The following SOX6 variants were observed in gnomAD, a reference collection of about 807,000 sequenced individuals.
The protein encoded by SOX6 is transcription factor SOX-6.
Under a neutral mutation model 97.8 loss-of-function variants are expected in SOX6, and 11 were observed. That is an observed-to-expected ratio of 0.11 (90% CI 0.07 to 0.19). SOX6 has a LOEUF of 0.19. Ranked by LOEUF, SOX6 falls within the 10% of genes least tolerant of loss-of-function variation. SOX6 has a pLI of 1.00. For missense variants in SOX6, 810 were observed against 1,039.5 expected, an observed-to-expected ratio of 0.78 and a Z score of 3.04; for synonymous variants, 360 against 371.4, an observed-to-expected ratio of 0.97 and a Z score of 0.35.
intron 2 of SOX6, among the ~76,000 whole-genome samples, chr11:16,726,294 A>G (rs1590066178): frequency 6.6e-6 from 1 of 152,352 alleles, no homozygotes; most frequent in Non-Finnish European, 1.5e-5. Context: ...CTGTAATCCC[A>G]GCTACCCAGC....
intron 1 of SOX6, among the ~76,000 whole-genome samples, chr11:16,443,316 T>C (rs1590205670): frequency 6.6e-6 from 1 of 152,210 alleles, no homozygotes; most frequent in Non-Finnish European, 1.5e-5. Flanking sequence ...CTAACTTTAG[T>C]ATGCTATTCA....
chr11:16,640,179 T>A (rs1409772862), intron 3 of SOX6, among the ~76,000 whole-genome samples: 1 of 152,216 alleles, frequency 6.6e-6, no homozygotes, highest in African/African-American at 2.4e-5. Context: ...ATGTGGTTTT[T>A]GTCTTTGGTT....
chr11:16,414,225 C>T (rs187449932), intron 1 of SOX6, among the ~76,000 whole-genome samples: 5 of 152,234 alleles, frequency 3.3e-5, no homozygotes, highest in East Asian at 1.9e-4. Flanking sequence ...TTGTTTTCCC[C>T]CACCAAAAGC....
chr11:16,036,709 T>C (rs1855529265), intron 12 of SOX6, among the ~76,000 whole-genome samples: 1 of 152,080 alleles, frequency 6.6e-6, no homozygotes, highest in Non-Finnish European at 1.5e-5. Flanking sequence ...CTGCAGAAAG[T>C]TCAGATAGCT....
At chr11:16,197,089 C>T (rs909431964) in intron 4 of SOX6, among the ~76,000 whole-genome samples, 1 of 152,138 alleles carries the variant, frequency 6.6e-6, no homozygotes, top group Non-Finnish European at 1.5e-5. Context: ...CCACCTTGTC[C>T]TCCCAAAGTG....
chr11:16,494,788 A>C (rs1307745917), intron 4 of SOX6, among the ~76,000 whole-genome samples: 3 of 152,188 alleles, frequency 2.0e-5, no homozygotes, highest in African/African-American at 4.8e-5. Context: ...TCAGTGGTTC[A>C]TATTCCCACA....
At chr11:16,502,834 C>G (rs1860728974) in intron 4 of SOX6, among the ~76,000 whole-genome samples, 1 of 152,092 alleles carries the variant, frequency 6.6e-6, no homozygotes, top group Non-Finnish European at 1.5e-5. Context: ...CCACATCTAG[C>G]AAGAGAATTA....
Position 16,063,807 on chromosome 11 carries a change from G to C in SOX6, c.1102-7906C>G, listed in dbSNP as rs1292061674. On this transcript the variant is annotated intron_variant, in intron 9 of 15. Transcript: ENST00000683767. Reference sequence around the variant, plus strand: ...TTTAATCTTCACAATTATTATATAAGATAGAAATTATTATCCATTTTAGTC... The same window carrying C: ...TTTAATCTTCACAATTATTATATAACATAGAAATTATTATCCATTTTAGTC... Among the ~76,000 whole-genome samples, 3 of 150,716 alleles carry C rather than the reference G, an allele frequency of 2.0e-5. No individual in the cohort carries two copies. In the Admixed American group the frequency reaches 2.0e-4, roughly 10 times the overall value.
At chr11:16,413,652 C>G (rs542711782) in intron 1 of SOX6, among the ~76,000 whole-genome samples, 5 of 151,050 alleles carry the variant, frequency 3.3e-5, no homozygotes, top group Non-Finnish European at 1.5e-5. Flanking sequence ...TCCCAAGTAG[C>G]TGGGATTACA....
chr11:16,468,817 A>G (rs2133113593), intron 1 of SOX6, among the ~76,000 whole-genome samples: 1 of 152,302 alleles, frequency 6.6e-6, no homozygotes, highest in Non-Finnish European at 1.5e-5. Flanking sequence ...TGACTTTAAG[A>G]GTAGGTTTTT....
At chr11:16,678,965 G>T (rs557130828) in intron 3 of SOX6, among the ~76,000 whole-genome samples, 1 of 152,342 alleles carries the variant, frequency 6.6e-6, no homozygotes, top group South Asian at 2.1e-4. Flanking sequence ...CAGGAAGCTC[G>T]AACTGGGTGG....
Position 16,693,846 on chromosome 11 carries a change from A to G in SOX6, n.429+20984T>C, listed in dbSNP as rs1848033746. On this transcript the variant is annotated intron_variant and non_coding_transcript_variant, in intron 3 of 5. Coordinates refer to the SOX6 transcript ENST00000524520. ...ACATATAATGAGGAAAACACTAATA[A>G]TTCACTCATAGATACCTGTCATTTT... 2.0e-5 allele frequency among the ~76,000 whole-genome samples: 3 copies of G among 152,278 alleles called. No homozygotes were observed. In the South Asian group the frequency reaches 6.2e-4, roughly 32 times the overall value.
chr11:16,390,331 T>A (rs1243355449), intron 1 of SOX6, among the ~76,000 whole-genome samples: 1 of 152,152 alleles, frequency 6.6e-6, no homozygotes, highest in Non-Finnish European at 1.5e-5. Context: ...CCAGTTTCTT[T>A]CCCTGCATTC....
chr11:16,074,005 AACAACCCAATATC>A (rs1848288314), intron 9 of SOX6, among the ~76,000 whole-genome samples: 1 of 152,108 alleles, frequency 6.6e-6, no homozygotes, highest in South Asian at 2.1e-4. Context: ...ATCTCAAATT[AACAACCCAATATC>A]ACAACTCAAT....
At chr11:16,294,791 T>C (rs1210737940) in intron 3 of SOX6, among the ~76,000 whole-genome samples, 1 of 152,122 alleles carries the variant, frequency 6.6e-6, no homozygotes, top group East Asian at 1.9e-4. Context: ...TAATGTCTTC[T>C]GAATTGTTTA....
At chr11:16,050,759 T>C (rs897889590) in intron 10 of SOX6, among the ~76,000 whole-genome samples, 6 of 152,178 alleles carry the variant, frequency 3.9e-5, no homozygotes, top group Non-Finnish European at 7.3e-5. Context: ...TCCTTTATTT[T>C]GTCTCATTTA....
intron 1 of SOX6, among the ~76,000 whole-genome samples, chr11:16,459,088 G>A (rs911759632): frequency 6.6e-5 from 10 of 151,972 alleles, no homozygotes; most frequent in Non-Finnish European, 1.2e-4. Context: ...CACTTAAAAG[G>A]AACAGAAGGA....
intron 13 of SOX6, among the ~76,000 whole-genome samples, chr11:15,999,820 T>C (rs923567767): frequency 6.6e-6 from 1 of 152,174 alleles, no homozygotes; most frequent in Non-Finnish European, 1.5e-5. Flanking sequence ...ATTTTATTAA[T>C]AGAATAGTTG....
At chr11:16,512,788 G>T (rs1211376155) in intron 4 of SOX6, among the ~76,000 whole-genome samples, 1 of 152,146 alleles carries the variant, frequency 6.6e-6, no homozygotes, top group Non-Finnish European at 1.5e-5. Context: ...GATCATGAAT[G>T]TAAAAAACTC....
Sources: gnomAD v4.1 joint callset for allele counts (sites outside exome capture counted in the v4.1 genomes callset) on GRCh38, gnomAD v4.1.1 for gene constraint, MANE v1.5 for transcripts, NCBI Gene and HGNC (gene_info 2026-07-23, HGNC 2026-07-21) for gene names.